Variants in CSMD1 observed in about 807,000 individuals in gnomAD.
CSMD1 encodes the protein CUB and sushi domain-containing protein 1.
In CSMD1, 213 loss-of-function variants were observed where a neutral mutation model predicts 417.5. The ratio of observed to expected loss-of-function variants is 0.51; its 90% CI spans 0.46 to 0.57. The LOEUF is 0.57. CSMD1 is among the 20% of genes least tolerant of loss of function. The pLI is 0.00. For synonymous variants in CSMD1, 2,862 were observed against 1,736.8 expected (o/e 1.65, Z -16.11); for missense variants, 6,923 against 4,529.7 (o/e 1.53, Z -15.17).
intron 12 of CSMD1, among the ~76,000 whole-genome samples, chr8:3,418,686 C>T: frequency 6.6e-6 from 1 of 152,060 alleles, no homozygotes; most frequent in East Asian, 1.9e-4. Context: ...CTGCCCTGCA[C>T]CAGAGCAAGA....
chr8:4,899,556 G>A (rs764380781), intron 1 of CSMD1, among the ~76,000 whole-genome samples: 1 of 152,102 alleles, frequency 6.6e-6, no homozygotes, highest in Non-Finnish European at 1.5e-5. Context: ...ACTCTTTCTT[G>A]TCATGGTGAT....
At chr8:3,509,415 C>T (rs919555258) in intron 10 of CSMD1, among the ~76,000 whole-genome samples, 1 of 152,152 alleles carries the variant, frequency 6.6e-6, no homozygotes, top group Non-Finnish European at 1.5e-5. Context: ...AGACAATTTT[C>T]TCAGGACAAT....
At chr8:4,001,067 A>AC (rs397765728) in intron 4 of CSMD1, among the ~76,000 whole-genome samples, 1 of 151,584 alleles carries the variant, frequency 6.6e-6, no homozygotes, top group East Asian at 1.9e-4. Flanking sequence ...GAAAAAAAAA[A>AC]CTGACATCAA....
chr8:3,683,459 C>A (rs1358819836), intron 7 of CSMD1, among the ~76,000 whole-genome samples: 2 of 152,128 alleles, frequency 1.3e-5, no homozygotes, highest in Non-Finnish European at 2.9e-5. Context: ...AATTAGAATC[C>A]TCCATTTCTG....
Position 4,741,940 on chromosome 8 carries a change from C to T in CSMD1, c.86-104382G>A, listed in dbSNP as rs370762414. On this transcript the variant is annotated intron_variant, in intron 1 of 69. Transcript: ENST00000635120. Reference sequence around the variant, plus strand: ...CTTCGACTTCCTGGGCTCAAGGAATCTTCCCATCTTAGCCTCCAGAGAAGC... The same window carrying T: ...CTTCGACTTCCTGGGCTCAAGGAATTTTCCCATCTTAGCCTCCAGAGAAGC... 2.3e-4 allele frequency among the ~76,000 whole-genome samples: 32 copies of T among 140,026 alleles called. No homozygotes were observed. The South Asian group carries it at 7.9e-3, about 34-fold the overall frequency. The allele number at this position is 140,026 out of a possible 152,430, so 91.9% of individuals were successfully genotyped here.
At chr8:3,183,995 A>G (rs1158004824) in intron 36 of CSMD1, among the ~76,000 whole-genome samples, 1 of 152,144 alleles carries the variant, frequency 6.6e-6, no homozygotes, top group Non-Finnish European at 1.5e-5. Context: ...TTACAAATGT[A>G]TATATGATGA....
intron 26 of CSMD1, among the ~76,000 whole-genome samples, chr8:3,281,102 C>T (rs1203394602): frequency 1.3e-5 from 2 of 152,100 alleles, no homozygotes; most frequent in Non-Finnish European, 2.9e-5. Flanking sequence ...CAGCTTTAGG[C>T]ATAATTGCCA....
intron 6 of CSMD1, among the ~76,000 whole-genome samples, chr8:3,752,917 A>G (rs1309938122): frequency 6.6e-6 from 1 of 152,192 alleles, no homozygotes; most frequent in Non-Finnish European, 1.5e-5. Flanking sequence ...TAAAATGTGT[A>G]AGATAACAGA....
At chr8:4,215,435 G>A (rs917127441) in intron 3 of CSMD1, among the ~76,000 whole-genome samples, 5 of 152,016 alleles carry the variant, frequency 3.3e-5, no homozygotes, top group African/African-American at 9.7e-5. Context: ...TAACACAAAA[G>A]ACTCAATGCT....
intron 5 of CSMD1, among the ~76,000 whole-genome samples, chr8:3,905,651 T>C (rs373265164): frequency 6.6e-6 from 1 of 152,204 alleles, no homozygotes; most frequent in African/African-American, 2.4e-5. Context: ...TCCCAGGCAA[T>C]GCTCATACTG....
intron 7 of CSMD1, among the ~76,000 whole-genome samples, chr8:3,682,004 C>A (rs1446526878): frequency 6.6e-6 from 1 of 152,144 alleles, no homozygotes; most frequent in Non-Finnish European, 1.5e-5. Context: ...AAAGGTGAAA[C>A]TGGATCCCTT....
At chr8:3,358,393 T>C (rs1808936648) in intron 21 of CSMD1, among the ~76,000 whole-genome samples, 1 of 152,222 alleles carries the variant, frequency 6.6e-6, no homozygotes, top group Non-Finnish European at 1.5e-5. Context: ...ACGTTGTCCG[T>C]ATAGCTAACT....
intron 3 of CSMD1, among the ~76,000 whole-genome samples, chr8:4,032,487 C>A (rs1308322271): frequency 6.6e-6 from 1 of 152,160 alleles, no homozygotes; most frequent in Non-Finnish European, 1.5e-5. Context: ...AAAACAGTGG[C>A]ATAAGAAATA....
intron 33 of CSMD1, among the ~76,000 whole-genome samples, chr8:3,193,134 T>C (rs1436843471): frequency 6.6e-6 from 1 of 152,136 alleles, no homozygotes; most frequent in East Asian, 1.9e-4. Context: ...TACAAATATA[T>C]TTGAGAGCTA....
intron 1 of CSMD1, among the ~76,000 whole-genome samples, chr8:4,779,160 G>A (rs890288321): frequency 9.9e-5 from 15 of 152,144 alleles, no homozygotes; most frequent in East Asian, 7.7e-4. Flanking sequence ...TGAAGTCTTC[G>A]GTTTAAAATA....
chr8:4,321,509 G>A (rs894350090), intron 3 of CSMD1, among the ~76,000 whole-genome samples: 2 of 152,124 alleles, frequency 1.3e-5, no homozygotes, highest in African/African-American at 4.8e-5. Context: ...CCACAGCAGA[G>A]GGATGTGTTA....
intron 2 of CSMD1, among the ~76,000 whole-genome samples, chr8:4,493,310 T>TTG (rs1342162686): frequency 2.6e-5 from 4 of 152,246 alleles, no homozygotes; most frequent in South Asian, 2.1e-4. Flanking sequence ...GAGAGAGAGT[T>TTG]TGTGCGTGTG....
At chr8:3,563,442 T>TAAAAAAAA (rs60108067) in intron 10 of CSMD1, among the ~76,000 whole-genome samples, 43 of 62,734 alleles carry the variant, frequency 6.9e-4, no homozygotes, top group Middle Eastern at 0.015. Context: ...TATTAAAAGG[T>TAAAAAAAA]AAAAAAAAAA....
At chr8:3,791,477 A>C (rs536823505) in intron 5 of CSMD1, among the ~76,000 whole-genome samples, 5 of 152,208 alleles carry the variant, frequency 3.3e-5, no homozygotes, top group Admixed American at 3.3e-4. Flanking sequence ...TACGTTCTTT[A>C]GTTGAATAAT....
Sources: allele counts gnomAD v4.1 joint callset (sites outside exome capture counted in the v4.1 genomes callset), GRCh38; gene constraint gnomAD v4.1.1; transcripts MANE v1.5; gene names NCBI Gene and HGNC (gene_info 2026-07-23, HGNC 2026-07-21).